SMG1: variants seen among roughly 807,000 people sequenced by gnomAD.
SMG1 encodes serine/threonine-protein kinase SMG1.
Under a neutral mutation model 419.9 loss-of-function variants are expected in SMG1, and 22 were observed. The ratio of observed to expected loss-of-function variants is 0.05; its 90% CI spans 0.04 to 0.07. The LOEUF (loss-of-function observed/expected upper bound fraction) is 0.07. Among genes scored for constraint, SMG1 ranks in the 10% least tolerant of loss-of-function variants. SMG1 has a pLI of 1.00. For missense variants in SMG1, 3,185 were observed against 4,342.0 expected (o/e 0.73, Z 7.49); for synonymous variants, 1,538 against 1,553.5 (o/e 0.99, Z 0.23).
At position 18,870,813 on chromosome 16, in the gene SMG1, T is replaced by C. The variant is rs2035776542; in HGVS notation, c.2378A>G (p.Asp793Gly). ...LHALSSSLPD[D>G]LLQRCVDVCR... is the part of the protein sequence containing the mutation. ...CTTAATTTCATACCTCTGTAAAAGA[T>C]CATCTGGCAAGGAAGAGGACAGAGC... The change falls in exon 17 of 63, where the codon GAT becomes GGT. Residue 793 changes from aspartate (D) to glycine (G), a missense_variant. By Grantham distance (94) the Asp-to-Gly change is moderately conservative. Coordinates refer to ENST00000446231, the MANE Select transcript of SMG1 (RefSeq NM_015092.5). 5 of 1,581,522 alleles carry C rather than the reference T, an allele frequency of 3.2e-6. No individual in the cohort carries two copies. In the African/African-American group the frequency reaches 4.0e-5, roughly 13 times the overall value.
intron 1 of SMG1, among the ~76,000 whole-genome samples, chr16:18,912,962 T>C (rs972161487): frequency 6.6e-6 from 1 of 152,134 alleles, no homozygotes; most frequent in African/African-American, 2.4e-5. Flanking sequence ...AATCAACCTT[T>C]TTAGGAAAGA....
chr16:18,814,667 C>T (rs1310131932), intron 60 of SMG1, among the ~76,000 whole-genome samples: 7 of 151,784 alleles, frequency 4.6e-5, no homozygotes, highest in East Asian at 2.0e-4. Flanking sequence ...CTCCACCTCC[C>T]GGGTTCAAGC....
intron 48 of SMG1, among the ~76,000 whole-genome samples, chr16:18,835,663 T>A (rs35939589): frequency 0.3 from 46,097 of 151,722 alleles, 7,757 homozygotes; most frequent in Non-Finnish European, 0.38. Context: ...CCCAGAAATT[T>A]GGGAGGCCCA....
In SMG1 at chr16:18,884,066, T is replaced by A. The variant is rs753565229; in HGVS notation, c.1119+4A>T. ...TTTTAAGAAACAGCTTTCTATATACTCACCTCAGCATATGCTTCCATGTCT... is the reference window on the plus strand; with the variant it reads ...TTTTAAGAAACAGCTTTCTATATACACACCTCAGCATATGCTTCCATGTCT... On this transcript the variant is annotated splice_donor_region_variant and intron_variant, in intron 9 of 62. Coordinates refer to ENST00000446231, the MANE Select transcript of SMG1 (RefSeq NM_015092.5). The A allele has an allele frequency of 2.1e-6, 3 of 1,447,468 alleles. No homozygotes were observed. Among genetic ancestry groups the A allele is most frequent in the East Asian group, 4.6e-5 (2 of 43,184 alleles). 89.7% of individuals were successfully genotyped at this position (1,447,468 alleles called of 1,614,324 possible).
chr16:18,828,619 C>A (rs565608333), intron 54 of SMG1, among the ~76,000 whole-genome samples: 66 of 152,310 alleles, frequency 4.3e-4, no homozygotes, highest in Admixed American at 2.4e-3. Flanking sequence ...AGCTGTTTAT[C>A]ACATCAATAA....
rs1279879933 is a variant in SMG1 at position 18,868,195 on chromosome 16, A to G, written c.3190T>C (p.Ser1064Pro). The change falls in exon 22 of 63, where the codon TCT (serine) becomes CCT (proline). Residue 1064 changes from serine (S) to proline (P), a missense_variant. Physicochemically the swap from Ser to Pro is moderately conservative, Grantham distance 74. Transcript: ENST00000446231. ...TTTCAAACACACCACATTACCTGAGATAGGCTGGTTGTTTTCATCTCTGTA... is the reference window on the plus strand; with the variant it reads ...TTTCAAACACACCACATTACCTGAGGTAGGCTGGTTGTTTTCATCTCTGTA... ...LLTEMKTTSL[S>P]QGNELEVTIM... is the part of the protein sequence containing the mutation. The G allele has an allele frequency of 6.3e-7, 1 of 1,577,512 alleles. No individual in the cohort carries two copies. Among genetic ancestry groups the G allele is most frequent in the African/African-American group, 1.3e-5 (1 of 74,590 alleles).
intron 38 of SMG1, among the ~76,000 whole-genome samples, chr16:18,846,132 A>T (rs1294534019): frequency 6.6e-6 from 1 of 151,978 alleles, no homozygotes; most frequent in African/African-American, 2.4e-5. Flanking sequence ...TTTGTTTTTT[A>T]AAAAAATGCA....
In SMG1 at chr16:18,841,809, TTAAAATAGCTAGGA is replaced by T; in HGVS notation, c.6467-29_6467-16del. 1 of 1,603,756 alleles carries T rather than the reference TTAAAATAGCTAGGA, an allele frequency of 6.2e-7. No individual in the cohort carries two copies. Among genetic ancestry groups the T allele is most frequent in the Non-Finnish European group, 8.5e-7 (1 of 1,170,730 alleles). On this transcript the variant is annotated splice_polypyrimidine_tract_variant and intron_variant, in intron 40 of 62. Transcript: ENST00000446231. ...ATCCTCCAGTCCTATGAAAACAAAA[TTAAAATAGCTAGGA>T]TAGGTGATTAAACAGGGTTGGGAGC...
chr16:18,808,453 T>C lies in SMG1; in HGVS notation c.*1116A>G, dbSNP rs779660843. On this transcript the variant is annotated 3_prime_UTR_variant, in exon 63 of 63. Coordinates refer to ENST00000446231, the MANE Select transcript of SMG1 (RefSeq NM_015092.5). ...CAGTCTACCTCCACCAGAACATCAC[T>C]TTATTGTTAATCTATCATCAACAAT... The C allele has an allele frequency of 6.6e-6, 1 of 152,224 alleles. No homozygotes were observed. Among genetic ancestry groups the C allele is most frequent in the East Asian group, 1.9e-4 (1 of 5,198 alleles). The allele number at this position is 152,224 out of a possible 1,614,324, so 9.4% of individuals were successfully genotyped here. A position where few individuals can be genotyped will look rare whatever the true frequency, so the allele number is the denominator to read the frequency against.
chr16:18,858,351 T>C, intron 28 of SMG1, 61 bp from the exon 29 acceptor site: 3 of 1,511,600 alleles, frequency 2.0e-6, no homozygotes, highest in Middle Eastern at 2.5e-4. Context: ...TTTGCAGATA[T>C]ATAGCAAGTC....
chr16:18,907,845 CAAA>C (rs71141092), intron 1 of SMG1, among the ~76,000 whole-genome samples: 20 of 54,962 alleles, frequency 3.6e-4, no homozygotes, highest in African/African-American at 1.1e-3. Flanking sequence ...GAACGAGACT[CAAA>C]AAAAAAAAAA....
rs71141088 is a variant in SMG1, at chr16:18,891,437, C to CTT, written c.550-518_550-517dup. ...ATTTTCTCCTGCTCATTATCAAGTT[C>CTT]TTTTTTTTTTTTTTCAAGATGGAGT... is the stretch of plus-strand genomic sequence containing the variant. On this transcript the variant is annotated intron_variant, in intron 4 of 62. Transcript: ENST00000446231. Among the ~76,000 whole-genome samples, 1,033 of 142,562 alleles carry CTT rather than the reference C, an allele frequency of 7.2e-3. 12 individuals are homozygous for CTT. Among genetic ancestry groups the CTT allele is most frequent in the Middle Eastern group, 0.024 (7 of 288 alleles). 93.5% of individuals were successfully genotyped at this position (142,562 alleles called of 152,430 possible).
chr16:18,871,509 G>C lies in SMG1; in HGVS notation c.2184-27C>G, dbSNP rs1334869463. On this transcript the variant is annotated intron_variant, in intron 15 of 62. Coordinates refer to ENST00000446231, the MANE Select transcript of SMG1 (RefSeq NM_015092.5). ...TGAAACACAAAATATACAGTTGACT[G>C]TACATTAAAAAAAACAAAAACCAAA... is the stretch of plus-strand genomic sequence containing the variant. 3.1e-6 allele frequency: 4 copies of C among 1,298,378 alleles called. No homozygotes were observed. In the African/African-American group the frequency reaches 6.1e-5, roughly 20 times the overall value. 80.4% of individuals were successfully genotyped at this position (1,298,378 alleles called of 1,614,324 possible).
In SMG1 at chr16:18,838,547, T is replaced by C. The variant is rs763298044; in HGVS notation, c.7084+4A>G. 2 of 1,613,710 alleles carry C rather than the reference T, an allele frequency of 1.2e-6. No individual in the cohort carries two copies. The highest frequency in any genetic ancestry group is 1.7e-5 in the Admixed American group (1 of 60,032). ...CATAAATGTAAAGTCTACTTTTATA[T>C]TACCTTTTTCAAAGCAAACATTGTA... On this transcript the variant is annotated splice_donor_region_variant and intron_variant, in intron 43 of 62. Transcript: ENST00000446231.
chr16:18,830,352 T>C lies in SMG1; in HGVS notation c.8810A>G (p.Tyr2937Cys). The C allele has an allele frequency of 6.2e-7, 1 of 1,613,990 alleles. No individual in the cohort carries two copies. The highest frequency in any genetic ancestry group is 8.5e-7 in the Non-Finnish European group (1 of 1,179,876). The change falls in exon 52 of 63, where the codon TAC (tyrosine) becomes TGC (cysteine). Residue 2937 changes from tyrosine to cysteine, a missense_variant. Around this residue, in one of 27 missense-constraint regions of SMG1, gnomAD observed 737 missense variants for 846.6 expected, o/e 0.87. Coordinates refer to ENST00000446231, the MANE Select transcript of SMG1 (RefSeq NM_015092.5). ...IDVARLLHAQ[Y>C]GELIQPRNGS... is the part of the protein sequence containing the mutation. Reference sequence around the variant, plus strand: ...ATTTCTCGGTTGGATTAATTCACCGTACTGAGCATGTAGTAGTCTACAGAA... The same window carrying C: ...ATTTCTCGGTTGGATTAATTCACCGCACTGAGCATGTAGTAGTCTACAGAA...
chr16:18,907,845 CAAAAAAA>C (rs71141092), intron 1 of SMG1, among the ~76,000 whole-genome samples: 56 of 54,962 alleles, frequency 1.0e-3, no homozygotes, highest in Admixed American at 3.4e-3. Context: ...GAACGAGACT[CAAAAAAA>C]AAAAAAAAAA....
At chr16:18,882,594 AG>A (rs1184434380) in intron 9 of SMG1, among the ~76,000 whole-genome samples, 2 of 152,228 alleles carry the variant, frequency 1.3e-5, no homozygotes, top group Admixed American at 1.3e-4. Flanking sequence ...GAAAGCTGTT[AG>A]GGAAAAATAA....
chr16:18,827,282 T>C (rs1461879792), intron 55 of SMG1, among the ~76,000 whole-genome samples: 1 of 151,582 alleles, frequency 6.6e-6, no homozygotes, highest in African/African-American at 2.4e-5. Flanking sequence ...AAAAATTAGC[T>C]GGACATGGTG....
At chr16:18,840,358 G>A (rs1016045828) in intron 41 of SMG1, among the ~76,000 whole-genome samples, 3 of 152,168 alleles carry the variant, frequency 2.0e-5, no homozygotes, top group African/African-American at 7.2e-5. Context: ...CATTACATGA[G>A]AATTTAGATA....
Sources: gnomAD v4.1 joint callset for allele counts (sites outside exome capture counted in the v4.1 genomes callset) on GRCh38, gnomAD v4.1.1 for gene constraint, gnomAD v4.1.1 regional missense constraint, MANE v1.5 for transcripts, NCBI Gene and HGNC (gene_info 2026-07-23, HGNC 2026-07-21) for gene names.